AGO3: variants seen among roughly 807,000 people sequenced by gnomAD.
The protein encoded by AGO3 is protein argonaute-3.
AGO3 carries 16 observed loss-of-function variants against 105.5 expected under a neutral mutation model. The ratio of observed to expected loss-of-function variants is 0.15; its 90% CI spans 0.10 to 0.23. The LOEUF (loss-of-function observed/expected upper bound fraction) is 0.23. Among genes scored for constraint, AGO3 ranks in the 10% least tolerant of loss-of-function variants. The pLI, the probability that AGO3 is intolerant of heterozygous loss-of-function variation, is 1.00. For synonymous variants in AGO3, 340 were observed against 367.3 expected (o/e 0.93, Z 0.85); for missense variants, 534 against 1,088.0 (o/e 0.49, Z 7.16).
chr1:36,001,400 G>T (rs756942318), intron 5 of AGO3, among the ~76,000 whole-genome samples: 2 of 152,140 alleles, frequency 1.3e-5, no homozygotes, highest in Non-Finnish European at 2.9e-5. Flanking sequence ...CTCCCTCAGA[G>T]GACATGAAGT....
chr1:36,043,675 A>G (rs1642343618), intron 17 of AGO3, 127 bp downstream of exon 17: 3 of 796,852 alleles, frequency 3.8e-6, no homozygotes, highest in Admixed American at 3.2e-5. Context: ...ATGAAATTAG[A>G]TGAAACTTTC....
chr1:35,971,964 C>T, intron 3 of AGO3, 60 bp from the exon 4 acceptor site: 1 of 1,458,442 alleles, frequency 6.9e-7, no homozygotes, highest in Non-Finnish European at 9.4e-7. Context: ...TAAGTTAAAT[C>T]TAAAATAATT....
Position 36,027,400 on chromosome 1 carries a change from A to T in AGO3, c.1591+102A>T. The T allele has an allele frequency of 9.0e-7, 1 of 1,117,066 alleles. No individual in the cohort carries two copies. The allele number at this position is 1,117,066 out of a possible 1,614,324, so 69.2% of individuals were successfully genotyped here. ...ACTTTCAAATATTAAAATATATTTT[A>T]TGATACAGTATTTAAAACCATGTAT... On this transcript the variant is annotated intron_variant, in intron 12 of 18. Coordinates refer to ENST00000373191, the MANE Select transcript of AGO3 (RefSeq NM_024852.4). This position sits in a 1 kb window ranked among gnomAD's most constrained non-coding sequence, Gnocchi z 4.0.
intron 9 of AGO3, among the ~76,000 whole-genome samples, chr1:36,012,468 G>A (rs941229006): frequency 2.0e-5 from 3 of 152,024 alleles, no homozygotes; most frequent in African/African-American, 7.2e-5. Flanking sequence ...TTGATTATAT[G>A]TATGGGAATA....
intron 2 of AGO3, among the ~76,000 whole-genome samples, chr1:35,958,805 C>T (rs1342336233): frequency 6.6e-6 from 1 of 152,184 alleles, no homozygotes; most frequent in Non-Finnish European, 1.5e-5. Flanking sequence ...TGGAAGGATA[C>T]AAAGAGAGAC....
intron 2 of AGO3, among the ~76,000 whole-genome samples, chr1:35,947,927 T>C (rs1308002261): frequency 6.6e-6 from 1 of 152,162 alleles, no homozygotes; most frequent in Admixed American, 6.5e-5. Flanking sequence ...AGCTGAGCCA[T>C]GGGCCTGTAG....
chr1:35,951,220 G>A (rs973071479), intron 2 of AGO3, among the ~76,000 whole-genome samples: 1 of 152,126 alleles, frequency 6.6e-6, no homozygotes, highest in Non-Finnish European at 1.5e-5. Context: ...CGAAGTGCTG[G>A]GATCACAGGC....
intron 4 of AGO3, 126 bp from the exon 5 acceptor site, chr1:35,973,249 T>A (rs964334984): frequency 9.8e-5 from 103 of 1,047,288 alleles, no homozygotes; most frequent in Non-Finnish European, 1.2e-4. Context: ...TTGGAACATG[T>A]TTAGTTTCAT....
intron 12 of AGO3, among the ~76,000 whole-genome samples, chr1:36,033,226 A>G (rs1278172451): frequency 6.6e-6 from 1 of 151,578 alleles, no homozygotes; most frequent in Admixed American, 6.6e-5. Context: ...AATCCCAGCT[A>G]CTCGGGAGGC....
At chr1:36,012,177 A>C (rs894363521) in intron 9 of AGO3, among the ~76,000 whole-genome samples, 5 of 152,044 alleles carry the variant, frequency 3.3e-5, no homozygotes, top group Non-Finnish European at 7.4e-5. Flanking sequence ...TCTACAAAAA[A>C]AATGTTAATT....
chr1:35,997,193 C>T (rs987483340), intron 5 of AGO3, among the ~76,000 whole-genome samples: 2 of 151,566 alleles, frequency 1.3e-5, no homozygotes. Flanking sequence ...GTGGGAGAAT[C>T]GCTGGAACCT....
intron 11 of AGO3, among the ~76,000 whole-genome samples, chr1:36,022,497 A>G (rs944941463): frequency 2.0e-5 from 3 of 152,220 alleles, no homozygotes; most frequent in African/African-American, 7.2e-5. Context: ...TTATGAGTGT[A>G]TAGCTAGGCA....
rs1404599995 is a variant in AGO3 at position 36,027,599 on chromosome 1, GA to G, written c.1591+304del. Reference sequence around the variant, plus strand: ...TCGAGACCAGCCTGGCCAATGTGGTGAAACCCCATCTCTACTAAAAATACAA... The same window carrying G: ...TCGAGACCAGCCTGGCCAATGTGGTGAACCCCATCTCTACTAAAAATACAA... On this transcript the variant is annotated intron_variant, in intron 12 of 18. Coordinates refer to ENST00000373191, the MANE Select transcript of AGO3 (RefSeq NM_024852.4). The surrounding 1 kb of genome is among the most constrained non-coding windows in gnomAD (Gnocchi z 4.0). 6.6e-6 allele frequency among the ~76,000 whole-genome samples: 1 copy of G among 152,044 alleles called. No individual in the cohort carries two copies. The highest frequency in any genetic ancestry group is 2.4e-5 in the African/African-American group (1 of 41,408).
intron 2 of AGO3, among the ~76,000 whole-genome samples, chr1:35,960,085 T>C (rs1646646766): frequency 6.6e-6 from 1 of 152,094 alleles, no homozygotes; most frequent in South Asian, 2.1e-4. Context: ...TATTATCATA[T>C]ATTTTAAAGG....
chr1:36,011,345 G>GA (rs1351583924), intron 9 of AGO3, among the ~76,000 whole-genome samples: 1 of 151,846 alleles, frequency 6.6e-6, no homozygotes, highest in Non-Finnish European at 1.5e-5. Context: ...GCCAACTGCA[G>GA]AAAAAATACT....
At chr1:36,045,829 C>T (rs1185385165) in intron 17 of AGO3, among the ~76,000 whole-genome samples, 13 of 152,192 alleles carry the variant, frequency 8.5e-5, no homozygotes, top group Non-Finnish European at 1.9e-4. Flanking sequence ...AGGCATGAAT[C>T]ACTGCACTGG....
chr1:36,009,026 C>A lies in AGO3; in HGVS notation c.1011C>A (p.His337Gln). 6.4e-7 allele frequency: 1 copy of A among 1,567,900 alleles called. No homozygotes were observed. Among genetic ancestry groups the A allele is most frequent in the Non-Finnish European group, 8.6e-7 (1 of 1,163,044 alleles). ...TGCAAGTCGGGCAGGAACAGAAACA[C>A]ACCTACCTGCCACTAGAAGTAATGC... ...PCLQVGQEQK[H>Q]TYLPLEVCNI... The change falls in exon 8 of 19, where the codon CAC becomes CAA. Residue 337 changes from histidine to glutamine, a missense_variant. His to Gln is a conservative substitution (Grantham distance 24). Around this residue, in one of 2 missense-constraint regions of AGO3, gnomAD observed 373 missense variants for 854.0 expected, o/e 0.44. Transcript: ENST00000373191.
intron 3 of AGO3, among the ~76,000 whole-genome samples, chr1:35,971,197 T>C (rs940638004): frequency 4.8e-5 from 7 of 145,598 alleles, no homozygotes; most frequent in African/African-American, 1.8e-4. Context: ...CCTCACTCTG[T>C]TGCCCACGCT....
At chr1:35,980,897 T>C (rs1469209469) in intron 5 of AGO3, among the ~76,000 whole-genome samples, 2 of 152,242 alleles carry the variant, frequency 1.3e-5, no homozygotes, top group African/African-American at 4.8e-5. Flanking sequence ...AAAAAATTTC[T>C]ATCCTACATG....
Sources: allele counts gnomAD v4.1 joint callset (sites outside exome capture counted in the v4.1 genomes callset), GRCh38; gene constraint gnomAD v4.1.1; regional missense constraint gnomAD v4.1.1; non-coding constraint Gnocchi (gnomAD v3.1); transcripts MANE v1.5; gene names NCBI Gene and HGNC (gene_info 2026-07-23, HGNC 2026-07-21).